DCLRE1C: variants seen among roughly 807,000 people sequenced by gnomAD.
DCLRE1C encodes the protein protein artemis.
A neutral mutation model predicts 61.4 loss-of-function variants in DCLRE1C; 47 were observed. The observed-to-expected ratio is 0.77, with a 90% CI of 0.61 to 0.98. The LOEUF is 0.98. Ranked by LOEUF, DCLRE1C falls within the 50% of genes least tolerant of loss-of-function variation. The pLI is 0.00. For synonymous variants in DCLRE1C, 337 were observed against 287.6 expected (o/e 1.17, Z -1.74); for missense variants, 858 against 816.0 (o/e 1.05, Z -0.63).
At chr10:14,949,251 G>A (rs1842115328) in intron 1 of DCLRE1C, among the ~76,000 whole-genome samples, 164 bp from the exon 2 acceptor site, 1 of 152,202 alleles carries the variant, frequency 6.6e-6, no homozygotes, top group Non-Finnish European at 1.5e-5. Context: ...TGCAAGTGAA[G>A]AATCCTCCTC....
intron 12 of DCLRE1C, among the ~76,000 whole-genome samples, chr10:14,922,475 T>G (rs1163623733): frequency 1.3e-5 from 2 of 151,476 alleles, no homozygotes; most frequent in Non-Finnish European, 2.9e-5. Context: ...AATGCATAAA[T>G]GAAACCCAAA....
rs60410513 is a variant in DCLRE1C, at chr10:14,907,857, C to CTTTTTTTTTTTTTTTTTTTTTTT, written c.*550_*551insAAAAAAAAAAAAAAAAAAAAAAA. ...GGGTTTAGTTCTACCATTTTTTTTTCTTTTTTTTTTTTTTTTTTTTTGAGA... is the reference window on the plus strand; with the variant it reads ...GGGTTTAGTTCTACCATTTTTTTTTCTTTTTTTTTTTTTTTTTTTTTTTTTTTTTTTTTTTTTTTTTTTTGAGA... On this transcript the variant is annotated 3_prime_UTR_variant, in exon 14 of 14. Coordinates refer to ENST00000378278, the MANE Select transcript of DCLRE1C (RefSeq NM_001033855.3). 2 of 71,958 alleles carry CTTTTTTTTTTTTTTTTTTTTTTT rather than the reference C, an allele frequency of 2.8e-5. No individual in the cohort carries two copies. The highest frequency in any genetic ancestry group is 1.1e-4 in the African/African-American group (2 of 18,228). The allele number at this position is 71,958 out of a possible 1,614,324, so 4.5% of individuals were successfully genotyped here.
rs1405240721 is a variant in DCLRE1C at position 14,928,011 on chromosome 10, C to G, written c.917+5G>C. 6.2e-7 allele frequency: 1 copy of G among 1,613,560 alleles called. No homozygotes were observed. The highest frequency in any genetic ancestry group is 8.5e-7 in the Non-Finnish European group (1 of 1,179,820). On this transcript the variant is annotated splice_donor_5th_base_variant and intron_variant, in intron 10 of 13. Coordinates refer to ENST00000378278, the MANE Select transcript of DCLRE1C (RefSeq NM_001033855.3). ...CTCAGAAGACCTATGATATTGCTCT[C>G]TTACCTCACAATTACATTTGTTTTT...
intron 4 of DCLRE1C, among the ~76,000 whole-genome samples, chr10:14,938,532 A>C (rs766176148): frequency 1.7e-4 from 26 of 152,160 alleles, no homozygotes; most frequent in Non-Finnish European, 3.4e-4. Flanking sequence ...AGTGTGCTAT[A>C]ATCAAGCAAC....
In DCLRE1C at chr10:14,905,235, C is replaced by A. The variant is rs1434336666; in HGVS notation, c.*3173G>T. ...CATTTGATACTACACTTGATCTTGGCCAAAAGGCCAAGGAGTGATGGTTCA... is the reference window on the plus strand; with the variant it reads ...CATTTGATACTACACTTGATCTTGGACAAAAGGCCAAGGAGTGATGGTTCA... On this transcript the variant is annotated 3_prime_UTR_variant, in exon 14 of 14. Coordinates refer to ENST00000378278, the MANE Select transcript of DCLRE1C (RefSeq NM_001033855.3). Among the ~76,000 whole-genome samples, 1 of 152,192 alleles carries A rather than the reference C, an allele frequency of 6.6e-6. No homozygotes were observed. Among genetic ancestry groups the A allele is most frequent in the Non-Finnish European group, 1.5e-5 (1 of 68,028 alleles).
chr10:14,928,032 T>C lies in DCLRE1C; in HGVS notation c.901A>G (p.Thr301Ala). The C allele has an allele frequency of 6.2e-7, 1 of 1,613,902 alleles. No homozygotes were observed. Among genetic ancestry groups the C allele is most frequent in the Non-Finnish European group, 8.5e-7 (1 of 1,179,916 alleles). The stretch of plus-strand genomic sequence containing the variant: ...CTCTCTTACCTCACAATTACATTTG[T>C]TTTTCTGCTCCTTTCTCCAAACCAC... Reference protein sequence around the residue: ...TMWFGERSRKTNVIVRTGESS... With the variant: ...TMWFGERSRKANVIVRTGESS... Residue 301 changes from threonine (T) to alanine (A), a missense_variant, in exon 10 of 14, where the codon ACA becomes GCA. Physicochemically the swap from Thr to Ala is moderately conservative, Grantham distance 58 (BLOSUM62 0). This residue lies in a region of DCLRE1C where 843 missense variants were observed against 783.5 expected (regional missense o/e 1.08). Coordinates refer to ENST00000378278, the MANE Select transcript of DCLRE1C (RefSeq NM_001033855.3).
intron 3 of DCLRE1C, among the ~76,000 whole-genome samples, chr10:14,940,914 G>A (rs576337914): frequency 1.2e-4 from 18 of 152,274 alleles, no homozygotes; most frequent in Non-Finnish European, 2.4e-4. Flanking sequence ...ATAGGGTCTC[G>A]CTCTGTCGCC....
chr10:14,939,958 G>C (rs41284457), intron 3 of DCLRE1C, 89 bp from the exon 4 acceptor site: 22 of 1,025,546 alleles, frequency 2.1e-5, no homozygotes, highest in Non-Finnish European at 3.1e-5. Flanking sequence ...ATGGGGCAAA[G>C]AGAAGTTTCA....
chr10:14,954,061 G>A lies in DCLRE1C; in HGVS notation c.-51C>T. ...ACCCCAAAACCGCAGCTGAAGCCAA[G>A]GCCAGCCCTGACCGCGCCGCCACTT... On this transcript the variant is annotated 5_prime_UTR_variant, in exon 1 of 14. Transcript: ENST00000378278. The A allele has an allele frequency of 1.2e-6, 2 of 1,610,006 alleles. No individual in the cohort carries two copies. Among genetic ancestry groups the A allele is most frequent in the Non-Finnish European group, 1.7e-6 (2 of 1,179,086 alleles).
At chr10:14,924,235 T>C (rs892115896) in intron 11 of DCLRE1C, among the ~76,000 whole-genome samples, 6 of 152,258 alleles carry the variant, frequency 3.9e-5, no homozygotes, top group African/African-American at 1.4e-4. Flanking sequence ...CATTCTTATG[T>C]GGCCAGTGAG....
intron 9 of DCLRE1C, among the ~76,000 whole-genome samples, chr10:14,929,458 A>G (rs1003776642): frequency 6.6e-6 from 1 of 150,406 alleles, no homozygotes; most frequent in African/African-American, 2.5e-5. Context: ...CCTGGGCAAT[A>G]TAGTGGGATT....
Position 14,908,259 on chromosome 10 carries a change from T to TTGATTA in DCLRE1C, c.*148_*149insTAATCA. 1.8e-6 allele frequency: 1 copy of TTGATTA among 546,608 alleles called. No homozygotes were observed. The highest frequency in any genetic ancestry group is 3.2e-6 in the Non-Finnish European group (1 of 312,856). The allele number at this position is 546,608 out of a possible 1,614,324, so 33.9% of individuals were successfully genotyped here. On this transcript the variant is annotated 3_prime_UTR_variant, in exon 14 of 14. Coordinates refer to ENST00000378278, the MANE Select transcript of DCLRE1C (RefSeq NM_001033855.3). The stretch of plus-strand genomic sequence containing the variant: ...TCCTGGGCTCAAGCCATTGCCCACC[T>TTGATTA]CAAAGTGCTGGGATTACAAGTGTGA...
At chr10:14,946,945 C>G (rs962503818) in intron 2 of DCLRE1C, among the ~76,000 whole-genome samples, 20 of 152,208 alleles carry the variant, frequency 1.3e-4, no homozygotes, top group African/African-American at 4.8e-4. Flanking sequence ...ATAGAGATGC[C>G]GCACGCCTGT....
chr10:14,922,578 CTT>C (rs1410338473), intron 12 of DCLRE1C, among the ~76,000 whole-genome samples: 1 of 152,188 alleles, frequency 6.6e-6, no homozygotes, highest in Non-Finnish European at 1.5e-5. Context: ...TCAGTAGACA[CTT>C]GACAACCTAC....
chr10:14,934,935 A>G (rs41297032), intron 6 of DCLRE1C, among the ~76,000 whole-genome samples, 160 bp from the exon 7 acceptor site: 106 of 151,870 alleles, frequency 7.0e-4, no homozygotes, highest in East Asian at 5.7e-3. Context: ...CAATTCTCCT[A>G]CCTCAGCCTC....
chr10:14,911,707 C>T (rs1835287416), intron 13 of DCLRE1C, among the ~76,000 whole-genome samples: 1 of 152,184 alleles, frequency 6.6e-6, no homozygotes, highest in African/African-American at 2.4e-5. Flanking sequence ...CTAATCATGT[C>T]AGATAAAGGA....
chr10:14,902,199 A>G (rs1050551079), downstream of DCLRE1C, among the ~76,000 whole-genome samples: 3 of 152,250 alleles, frequency 2.0e-5, no homozygotes, highest in African/African-American at 7.2e-5. Flanking sequence ...ACAATTCATT[A>G]TGATTTGACG....
Position 14,919,762 on chromosome 10 carries a change from C to G in DCLRE1C, c.1132G>C (p.Ala378Pro), listed in dbSNP as rs1391670953. Reference sequence around the variant, plus strand: ...CCTGAGTCTCGGTGAACTGTTCTAGCTCTCTTCAGTTTTCCCAGTGGTTTA... The same window carrying G: ...CCTGAGTCTCGGTGAACTGTTCTAGGTCTCTTCAGTTTTCCCAGTGGTTTA... ...KYKPLGKLKRARTVHRDSEEE... is the reference protein window; with the variant it reads ...KYKPLGKLKRPRTVHRDSEEE... Residue 378 changes from alanine to proline, a missense_variant, in exon 13 of 14, where the codon GCT (alanine) becomes CCT (proline). By Grantham distance (27) the Ala-to-Pro change is conservative. Coordinates refer to ENST00000378278, the MANE Select transcript of DCLRE1C (RefSeq NM_001033855.3). 6.2e-7 allele frequency: 1 copy of G among 1,613,962 alleles called. No individual in the cohort carries two copies. The highest frequency in any genetic ancestry group is 8.5e-7 in the Non-Finnish European group (1 of 1,179,906).
At chr10:14,952,544 C>T (rs761403340) in intron 1 of DCLRE1C, among the ~76,000 whole-genome samples, 2 of 152,022 alleles carry the variant, frequency 1.3e-5, no homozygotes, top group African/African-American at 2.4e-5. Flanking sequence ...ACAGAGATCA[C>T]GCCACTGCAC....
Sources: allele counts gnomAD v4.1 joint callset (sites outside exome capture counted in the v4.1 genomes callset), GRCh38; gene constraint gnomAD v4.1.1; regional missense constraint gnomAD v4.1.1; transcripts MANE v1.5; gene names NCBI Gene and HGNC (gene_info 2026-07-23, HGNC 2026-07-21).